Variants in MYO5A observed in about 807,000 individuals in gnomAD.
MYO5A encodes unconventional myosin-Va.
A neutral mutation model predicts 249.7 loss-of-function variants in MYO5A; 98 were observed. That is an observed-to-expected ratio of 0.39 (90% CI 0.33 to 0.46). The LOEUF is 0.46. Among genes scored for constraint, MYO5A ranks in the 20% least tolerant of loss-of-function variants. The pLI is 0.98. For missense variants in MYO5A, 1,696 were observed against 2,308.8 expected (o/e 0.73, Z 5.44); for synonymous variants, 778 against 810.6 (o/e 0.96, Z 0.68).
rs200780801 is a variant in MYO5A at position 52,323,420 on chromosome 15, C to T, written c.4735G>A (p.Val1579Ile). The T allele has an allele frequency of 8.1e-5, 130 of 1,613,132 alleles. No individual in the cohort carries two copies. The highest frequency in any genetic ancestry group is 1.6e-4 in the Middle Eastern group (1 of 6,078). Residue 1579 changes from valine to isoleucine, a missense_variant, in exon 37 of 42, where the codon GTC becomes ATC. Physicochemically the swap from Val to Ile is conservative, Grantham distance 29. Coordinates refer to ENST00000399233, the MANE Select transcript of MYO5A (RefSeq NM_001382347.1). ...LKKRGDDFET[V>I]SFWLSNTCRF... ...CATGTGTTAGAGAGCCAGAAGGAGA[C>T]GGTTTCAAAATCATCACCTCTTTTC...
In MYO5A at chr15:52,310,214, T is replaced by C. The variant is rs998979592; in HGVS notation, c.*3482A>G. 1 of 152,244 alleles carries C rather than the reference T, an allele frequency of 6.6e-6. No homozygotes were observed. Among genetic ancestry groups the C allele is most frequent in the African/African-American group, 2.4e-5 (1 of 41,458 alleles). 9.4% of individuals were successfully genotyped at this position (152,244 alleles called of 1,614,324 possible). A position where few individuals can be genotyped will look rare whatever the true frequency, so the allele number is the denominator to read the frequency against. ...TGCACCTGACAAAAGAAGCATCAGATATGTGGAAATTTTTTAAACTTCCAA... is the reference window on the plus strand; with the variant it reads ...TGCACCTGACAAAAGAAGCATCAGACATGTGGAAATTTTTTAAACTTCCAA... On this transcript the variant is annotated 3_prime_UTR_variant, in exon 42 of 42. Coordinates refer to ENST00000399233, the MANE Select transcript of MYO5A (RefSeq NM_001382347.1).
chr15:52,421,593 G>T (rs895961548), intron 4 of MYO5A, among the ~76,000 whole-genome samples: 1 of 152,154 alleles, frequency 6.6e-6, no homozygotes. Flanking sequence ...GTAGAGCTGG[G>T]TTGTTACACC....
chr15:52,392,185 A>C, intron 11 of MYO5A, 115 bp from the exon 12 acceptor site: 13 of 1,009,260 alleles, frequency 1.3e-5, no homozygotes, highest in African/African-American at 1.6e-5. Context: ...CAACAACCTC[A>C]CGGGAGAAGC....
intron 20 of MYO5A, among the ~76,000 whole-genome samples, chr15:52,373,492 T>C (rs1390605019): frequency 6.6e-6 from 1 of 152,056 alleles, no homozygotes; most frequent in African/African-American, 2.4e-5. Context: ...TGAGAGAAAT[T>C]AATCAACACC....
At chr15:52,375,509 A>T in intron 19 of MYO5A, 49 bp from the exon 20 acceptor site, 1 of 1,594,618 alleles carries the variant, frequency 6.3e-7, no homozygotes, top group Non-Finnish European at 8.6e-7. Flanking sequence ...AAAAAAATGC[A>T]GGAATACATA....
intron 5 of MYO5A, among the ~76,000 whole-genome samples, chr15:52,412,607 G>A (rs544835289): frequency 1.5e-3 from 223 of 152,260 alleles, no homozygotes; most frequent in African/African-American, 5.2e-3. Flanking sequence ...GATAGGGAAA[G>A]AAATTTCTAT....
At chr15:52,450,406 C>T (rs2075990991) in intron 1 of MYO5A, among the ~76,000 whole-genome samples, 1 of 151,884 alleles carries the variant, frequency 6.6e-6, no homozygotes, top group African/African-American at 2.4e-5. Context: ...GTGGATCACG[C>T]CTGTAATCCC....
chr15:52,461,255 T>C (rs541631161), intron 1 of MYO5A, among the ~76,000 whole-genome samples: 1 of 152,294 alleles, frequency 6.6e-6, no homozygotes, highest in African/African-American at 2.4e-5. Flanking sequence ...GTCGGGCCAA[T>C]AGGTATGTTT....
chr15:52,323,862 GGT>G, intron 36 of MYO5A: 1 of 261,820 alleles, frequency 3.8e-6, no homozygotes, highest in East Asian at 9.8e-5. Flanking sequence ...AAATTAGCTG[GGT>G]GTGGTGGCAT....
chr15:52,446,480 G>A (rs936287802), intron 1 of MYO5A, among the ~76,000 whole-genome samples: 1 of 152,248 alleles, frequency 6.6e-6, no homozygotes, highest in African/African-American at 2.4e-5. Context: ...CAGGGGCAAA[G>A]CCCTCATAGA....
chr15:52,343,069 G>A, intron 31 of MYO5A, 48 bp downstream of exon 31: 1 of 1,517,890 alleles, frequency 6.6e-7, no homozygotes, highest in Non-Finnish European at 9.2e-7. Flanking sequence ...CTGTTAGTAA[G>A]AAAAACAACA....
chr15:52,502,315 A>ATAC (rs1348680356), intron 1 of MYO5A, among the ~76,000 whole-genome samples: 2 of 147,382 alleles, frequency 1.4e-5, no homozygotes, highest in Non-Finnish European at 3.0e-5. Context: ...TACATACATA[A>ATAC]ATTTTTGAAA....
chr15:52,423,484 G>A (rs1325324091), intron 4 of MYO5A, among the ~76,000 whole-genome samples: 4 of 151,744 alleles, frequency 2.6e-5, no homozygotes, highest in African/African-American at 4.8e-5. Context: ...CCCGGGAGGC[G>A]GAGGTTGCAG....
chr15:52,363,444 G>A (rs927269271), intron 24 of MYO5A, among the ~76,000 whole-genome samples: 1 of 152,218 alleles, frequency 6.6e-6, no homozygotes, highest in Admixed American at 6.5e-5. Flanking sequence ...ATGGTCCAAT[G>A]TGGGATTTAT....
chr15:52,345,657 T>TA (rs2141003981), intron 30 of MYO5A, among the ~76,000 whole-genome samples: 1 of 152,200 alleles, frequency 6.6e-6, no homozygotes, highest in African/African-American at 2.4e-5. Flanking sequence ...AAATGTAATT[T>TA]AAAAAATATT....
chr15:52,328,225 C>CA (rs1555427371), intron 35 of MYO5A, among the ~76,000 whole-genome samples: 7 of 152,174 alleles, frequency 4.6e-5, no homozygotes, highest in Non-Finnish European at 1.0e-4. Flanking sequence ...CCTGCGCTGA[C>CA]TTTTCCCTTG....
intron 10 of MYO5A, 111 bp from the exon 11 acceptor site, chr15:52,396,508 TA>T (rs1295673405): frequency 3.0e-6 from 2 of 677,058 alleles, no homozygotes; most frequent in Admixed American, 2.7e-5. Flanking sequence ...CCCAACATTG[TA>T]AAACTTTCTT....
intron 30 of MYO5A, among the ~76,000 whole-genome samples, chr15:52,344,090 A>C (rs1020245064): frequency 6.6e-6 from 1 of 152,188 alleles, no homozygotes; most frequent in African/African-American, 2.4e-5. Context: ...TCTGGAGTCC[A>C]GGTTCTTACT....
Position 52,360,509 on chromosome 15 carries a change from A to G in MYO5A, c.3310-428T>C, listed in dbSNP as rs538200507. Among the ~76,000 whole-genome samples, 10 of 152,326 alleles carry G rather than the reference A, an allele frequency of 6.6e-5. No homozygotes were observed. The South Asian group carries it at 2.1e-3, about 32-fold the overall frequency. On this transcript the variant is annotated intron_variant, in intron 24 of 41. Transcript: ENST00000399233. Reference sequence around the variant, plus strand: ...ATGGCATGCACAATCATTTTACTGCATGGTAACTAGGCATAAATGGTTTAA... The same window carrying G: ...ATGGCATGCACAATCATTTTACTGCGTGGTAACTAGGCATAAATGGTTTAA...
Sources: gnomAD v4.1 joint callset for allele counts (sites outside exome capture counted in the v4.1 genomes callset) on GRCh38, gnomAD v4.1.1 for gene constraint, MANE v1.5 for transcripts, NCBI Gene and HGNC (gene_info 2026-07-23, HGNC 2026-07-21) for gene names.